GRIK2: variants seen among roughly 807,000 people sequenced by gnomAD.
The protein encoded by GRIK2 is glutamate receptor ionotropic, kainate 2.
A neutral mutation model predicts 100.3 loss-of-function variants in GRIK2; 32 were observed. The observed-to-expected ratio is 0.32, with a 90% CI of 0.24 to 0.43. The LOEUF (loss-of-function observed/expected upper bound fraction) is 0.43, where lower values mean the gene tolerates loss of function less well. Among genes scored for constraint, GRIK2 ranks in the 20% least tolerant of loss-of-function variants. The pLI, the probability that GRIK2 is intolerant of heterozygous loss-of-function variation, is 1.00. For synonymous variants in GRIK2, 417 were observed against 389.4 expected (o/e 1.07, Z -0.83); for missense variants, 843 against 1,114.9 (o/e 0.76, Z 3.47).
chr6:101,436,883 A>G (rs1305630316), intron 2 of GRIK2, among the ~76,000 whole-genome samples: 2 of 151,176 alleles, frequency 1.3e-5, no homozygotes, highest in Admixed American at 1.3e-4. Flanking sequence ...GTCCTATATA[A>G]TTTAAAATTA....
At chr6:101,837,373 T>A (rs1582344980) in intron 10 of GRIK2, among the ~76,000 whole-genome samples, 1 of 152,156 alleles carries the variant, frequency 6.6e-6, no homozygotes, top group African/African-American at 2.4e-5. Context: ...TGAAACCTGT[T>A]GAGAGATTAG....
intron 2 of GRIK2, among the ~76,000 whole-genome samples, chr6:101,403,788 G>C (rs187053696): frequency 1.1e-4 from 17 of 152,294 alleles, no homozygotes; most frequent in African/African-American, 3.9e-4. Context: ...AGGCGGGGAT[G>C]GGGGAGTAAT....
chr6:101,433,904 G>A (rs1389773816), intron 2 of GRIK2, among the ~76,000 whole-genome samples: 1 of 152,132 alleles, frequency 6.6e-6, no homozygotes, highest in Non-Finnish European at 1.5e-5. Flanking sequence ...AACATTTTAT[G>A]AGTCGTACAG....
chr6:101,876,846 AG>A (rs1785885082), intron 11 of GRIK2, among the ~76,000 whole-genome samples: 1 of 151,882 alleles, frequency 6.6e-6, no homozygotes, highest in African/African-American at 2.4e-5. Context: ...CAGTATTTTT[AG>A]GTTATTTCAC....
At chr6:101,752,396 T>C (rs952739012) in intron 7 of GRIK2, among the ~76,000 whole-genome samples, 1 of 152,188 alleles carries the variant, frequency 6.6e-6, no homozygotes, top group Non-Finnish European at 1.5e-5. Flanking sequence ...AGTAGCTTGG[T>C]TTCTTTCGGT....
intron 10 of GRIK2, among the ~76,000 whole-genome samples, chr6:101,825,028 G>A (rs984071369): frequency 3.9e-5 from 6 of 152,216 alleles, no homozygotes; most frequent in South Asian, 2.1e-4. Flanking sequence ...TCTGATTCTC[G>A]TCTTTCCATT....
At chr6:101,905,060 A>G (rs189586117) in intron 12 of GRIK2, among the ~76,000 whole-genome samples, 367 of 151,694 alleles carry the variant, frequency 2.4e-3, no homozygotes, top group Non-Finnish European at 3.8e-3. Flanking sequence ...CTACTTTTGG[A>G]ATACAAGTAT....
At chr6:101,724,604 C>T (rs995033519) in intron 7 of GRIK2, among the ~76,000 whole-genome samples, 4 of 151,870 alleles carry the variant, frequency 2.6e-5, no homozygotes, top group East Asian at 1.9e-4. Context: ...TTGATAGACA[C>T]CTATGTACAG....
At chr6:101,977,278 A>AGTC (rs1562082837) in intron 14 of GRIK2, among the ~76,000 whole-genome samples, 1 of 143,608 alleles carries the variant, frequency 7.0e-6, no homozygotes, top group Non-Finnish European at 1.5e-5. Context: ...ATGTTATGTT[A>AGTC]TGAGTCTGAG....
intron 2 of GRIK2, among the ~76,000 whole-genome samples, chr6:101,512,626 T>C (rs1186865894): frequency 2.0e-5 from 3 of 152,150 alleles, no homozygotes; most frequent in African/African-American, 7.2e-5. Context: ...ATAATTAAAA[T>C]ATTTCTAAAC....
chr6:102,061,979 A>G (rs1264467074), intron 16 of GRIK2, among the ~76,000 whole-genome samples: 2 of 150,264 alleles, frequency 1.3e-5, no homozygotes, highest in African/African-American at 4.8e-5. Flanking sequence ...TTTTTCTAAA[A>G]ATGCATTTCA....
chr6:101,811,858 G>A (rs951414011), intron 9 of GRIK2, among the ~76,000 whole-genome samples: 3 of 151,302 alleles, frequency 2.0e-5, no homozygotes, highest in Admixed American at 2.0e-4. Context: ...CAATAAAGAA[G>A]CAACTAATTA....
chr6:101,908,576 T>A (rs1463630565), intron 12 of GRIK2, among the ~76,000 whole-genome samples: 2 of 151,118 alleles, frequency 1.3e-5, no homozygotes, highest in Non-Finnish European at 3.0e-5. Context: ...ATAAAAAAGA[T>A]CCAGGGAAGA....
chr6:101,523,877 G>A (rs548912598), intron 2 of GRIK2, among the ~76,000 whole-genome samples: 15 of 151,934 alleles, frequency 9.9e-5, no homozygotes, highest in Non-Finnish European at 2.1e-4. Flanking sequence ...TCACCAGCAC[G>A]TGTGGCTAAT....
At chr6:101,967,606 G>A (rs1299330979) in intron 14 of GRIK2, among the ~76,000 whole-genome samples, 2 of 152,002 alleles carry the variant, frequency 1.3e-5, no homozygotes, top group Non-Finnish European at 1.5e-5. Flanking sequence ...TCAGTCACGG[G>A]TCAAAAGTGA....
intron 7 of GRIK2, among the ~76,000 whole-genome samples, chr6:101,786,214 G>A (rs1490435938): frequency 2.0e-5 from 3 of 151,588 alleles, no homozygotes; most frequent in African/African-American, 7.3e-5. Context: ...GGAGTCTTTA[G>A]GTTTTTTAAA....
At chr6:101,514,949 T>C (rs1031488995) in intron 2 of GRIK2, among the ~76,000 whole-genome samples, 1 of 152,110 alleles carries the variant, frequency 6.6e-6, no homozygotes, top group Non-Finnish European at 1.5e-5. Flanking sequence ...CTTGGTTACA[T>C]GAGTAAGTTT....
intron 2 of GRIK2, among the ~76,000 whole-genome samples, chr6:101,467,671 A>G (rs776765457): frequency 6.6e-6 from 1 of 152,088 alleles, no homozygotes; most frequent in Non-Finnish European, 1.5e-5. Flanking sequence ...TATTTTTTAC[A>G]CTCCGAGTGA....
intron 2 of GRIK2, among the ~76,000 whole-genome samples, chr6:101,543,665 T>C (rs1006103057): frequency 1.3e-5 from 2 of 152,174 alleles, no homozygotes; most frequent in African/African-American, 4.8e-5. Context: ...TGTGTGGCCT[T>C]AGGCAAGTTA....
Sources: allele counts gnomAD v4.1 joint callset (sites outside exome capture counted in the v4.1 genomes callset), GRCh38; gene constraint gnomAD v4.1.1; transcripts MANE v1.5; gene names NCBI Gene and HGNC (gene_info 2026-07-23, HGNC 2026-07-21).